ICE2: variants seen among roughly 807,000 people sequenced by gnomAD.
The protein encoded by ICE2 is interactor of little elongation complex ELL subunit 2, also known as little elongation complex subunit 2.
ICE2 carries 87 observed loss-of-function variants against 105.4 expected under a neutral mutation model. That is an observed-to-expected ratio of 0.83 (90% CI 0.69 to 0.99). The LOEUF (loss-of-function observed/expected upper bound fraction) is 0.99. ICE2 is among the 50% of genes least tolerant of loss of function. The pLI is 0.00. For missense variants in ICE2, 1,323 were observed against 1,146.7 expected, an observed-to-expected ratio of 1.15 and a Z score of -2.22; for synonymous variants, 399 against 392.0, an observed-to-expected ratio of 1.02 and a Z score of -0.21.
At chr15:60,460,975 C>A (rs1033429146) in intron 5 of ICE2, among the ~76,000 whole-genome samples, 1 of 151,946 alleles carries the variant, frequency 6.6e-6, no homozygotes, top group Non-Finnish European at 1.5e-5. Context: ...CTCCTTGTTG[C>A]GGGGGACATC....
Position 60,453,675 on chromosome 15 carries a change from C to T in ICE2, c.1053G>A (p.Met351Ile), listed in dbSNP as rs2064023201. The T allele has an allele frequency of 6.2e-7, 1 of 1,613,482 alleles. No individual in the cohort carries two copies. The highest frequency in any genetic ancestry group is 1.7e-5 in the Admixed American group (1 of 60,014). The part of the protein sequence containing the change: ...IFHEVPLKFM[M>I]SKNTSVPVSA... Reference sequence around the variant, plus strand: ...AGACTGGAACAGATGTGTTTTTGGACATCATAAATTTTAATGGAACTTCAT... The same window carrying T: ...AGACTGGAACAGATGTGTTTTTGGATATCATAAATTTTAATGGAACTTCAT... Residue 351 changes from methionine (M) to isoleucine (I), a missense_variant, in exon 9 of 16, where the codon ATG (methionine) becomes ATA (isoleucine). Transcript: ENST00000261520.
intron 5 of ICE2, among the ~76,000 whole-genome samples, chr15:60,462,855 G>C (rs1205804666): frequency 6.6e-6 from 1 of 152,078 alleles, no homozygotes; most frequent in African/African-American, 2.4e-5. Context: ...AAAACCATTT[G>C]CAAATCTACT....
chr15:60,457,094 T>A (rs1012287154), intron 5 of ICE2, among the ~76,000 whole-genome samples: 5 of 152,126 alleles, frequency 3.3e-5, no homozygotes, highest in Non-Finnish European at 7.4e-5. Flanking sequence ...AACACACTTT[T>A]CTGCAATCAA....
intron 10 of ICE2, among the ~76,000 whole-genome samples, 200 bp from the exon 11 acceptor site, chr15:60,448,345 G>A (rs2063871552): frequency 6.6e-6 from 1 of 152,028 alleles, no homozygotes; most frequent in African/African-American, 2.4e-5. Flanking sequence ...TAGCTTTAAG[G>A]TTCTTCTCCT....
rs202144613 is a variant in ICE2 at position 60,468,228 on chromosome 15, T to C, written c.241A>G (p.Thr81Ala). ...TTTGGAAGAAGAACCATTCCAATTG[T>C]GGTTTTAACTTTTTCCTTTGCTTGA... Reference protein sequence around the residue: ...ATQAKEKVKTTIGMVLLPKPR... With the variant: ...ATQAKEKVKTAIGMVLLPKPR... The change falls in exon 4 of 16, where the codon ACA becomes GCA. Residue 81 changes from threonine to alanine, a missense_variant. Physicochemically the swap from Thr to Ala is moderately conservative, Grantham distance 58. Transcript: ENST00000261520. The C allele has an allele frequency of 1.2e-5, 20 of 1,614,032 alleles. No individual in the cohort carries two copies. The highest frequency in any genetic ancestry group is 1.7e-4 in the Middle Eastern group (1 of 6,058).
In ICE2 at chr15:60,428,469, G is replaced by A; in HGVS notation, c.2780C>T (p.Thr927Ile). Residue 927 changes from threonine to isoleucine, a missense_variant, in exon 15 of 16, where the codon ACT becomes ATT. Transcript: ENST00000261520. ...YHIHHGRIPCTFPPKSLDTTT... is the reference protein window; with the variant it reads ...YHIHHGRIPCIFPPKSLDTTT... ...GGTATCCAGTGATTTCGGTGGAAAA[G>A]TACAAGGTATTCTTCCATGATGGAT... The A allele has an allele frequency of 6.2e-7, 1 of 1,613,956 alleles. No individual in the cohort carries two copies. The highest frequency in any genetic ancestry group is 8.5e-7 in the Non-Finnish European group (1 of 1,179,842).
intron 12 of ICE2, among the ~76,000 whole-genome samples, chr15:60,436,742 A>AAAGTTAC: frequency 6.7e-6 from 1 of 148,352 alleles, no homozygotes; most frequent in Middle Eastern, 3.5e-3. Flanking sequence ...AAAAAAAAAG[A>AAAGTTAC]AAGTTACATT....
intron 5 of ICE2, 143 bp from the exon 6 acceptor site, chr15:60,456,937 A>G (rs536288890): frequency 4.0e-4 from 139 of 349,472 alleles, no homozygotes; most frequent in Non-Finnish European, 6.3e-4. Context: ...CACACATTGT[A>G]TATTCTTTAT....
chr15:60,430,780 C>T (rs34092508), intron 14 of ICE2, among the ~76,000 whole-genome samples: 23,931 of 152,158 alleles, frequency 0.16, 2,078 homozygotes, highest in Middle Eastern at 0.32. Context: ...AGAAGGAATG[C>T]AAACATTCAT....
Position 60,420,816 on chromosome 15 carries a change from T to A in ICE2, c.*2818A>T, listed in dbSNP as rs941716957. 2 of 152,172 alleles carry A rather than the reference T, an allele frequency of 1.3e-5. No individual in the cohort carries two copies. Among genetic ancestry groups the A allele is most frequent in the African/African-American group, 2.4e-5 (1 of 41,420 alleles). 9.4% of individuals were successfully genotyped at this position (152,172 alleles called of 1,614,324 possible). A position where few individuals can be genotyped will look rare whatever the true frequency, so the allele number is the denominator to read the frequency against. On this transcript the variant is annotated 3_prime_UTR_variant, in exon 16 of 16. Transcript: ENST00000261520. ...TTATCACATAAAGCAGTATAGTGTC[T>A]TCCACTAGAATGTGATCTCCTGAAA...
chr15:60,465,647 G>C lies in ICE2; in HGVS notation c.528+947C>G, dbSNP rs150575661. On this transcript the variant is annotated intron_variant, in intron 5 of 15. Coordinates refer to ENST00000261520, the MANE Select transcript of ICE2 (RefSeq NM_024611.6). ...TTAACACTATTGTTCACAGTGACCA[G>C]CTTTAAAGGCTTAAACAAATTTAGA... 5.0e-3 allele frequency among the ~76,000 whole-genome samples: 755 copies of C among 151,234 alleles called. 7 individuals carry two copies. Among genetic ancestry groups the C allele is most frequent in the African/African-American group, 0.017 (718 of 41,162 alleles).
At chr15:60,424,303 G>T (rs1026245564) in intron 15 of ICE2, among the ~76,000 whole-genome samples, 3 of 151,970 alleles carry the variant, frequency 2.0e-5, no homozygotes, top group African/African-American at 4.8e-5. Context: ...CAGTAAAAGT[G>T]TAAGGAAGTT....
At chr15:60,453,320 T>A in intron 9 of ICE2, 1 of 1,161,884 alleles carries the variant, frequency 8.6e-7, no homozygotes, top group Non-Finnish European at 1.1e-6. Context: ...ACTACATACA[T>A]AACTAAAAAC....
chr15:60,476,956 T>C (rs2064779174), intron 2 of ICE2, among the ~76,000 whole-genome samples: 1 of 152,230 alleles, frequency 6.6e-6, no homozygotes, highest in African/African-American at 2.4e-5. Context: ...TACATCTGAA[T>C]GCATACTTTA....
Position 60,442,524 on chromosome 15 carries a change from G to C in ICE2, c.2317C>G (p.Pro773Ala). ...TAACAAGCTTGATACTCTACTTTTG[G>C]TAGTACATAAACTGGAAATTGCTGC... ...IRRQFPVYVL[P>A]KVEYQACYGV... The change falls in exon 12 of 16, where the codon CCA (proline) becomes GCA (alanine). Residue 773 changes from proline to alanine, a missense_variant. Coordinates refer to ENST00000261520, the MANE Select transcript of ICE2 (RefSeq NM_024611.6). 1 of 1,574,814 alleles carries C rather than the reference G, an allele frequency of 6.3e-7. No individual in the cohort carries two copies. Among genetic ancestry groups the C allele is most frequent in the South Asian group, 1.2e-5 (1 of 83,360 alleles).
rs1180021551 is a variant in ICE2 at position 60,477,935 on chromosome 15, A to C, written c.41+2T>G. 1.2e-6 allele frequency: 2 copies of C among 1,613,590 alleles called. No individual in the cohort carries two copies. The highest frequency in any genetic ancestry group is 2.2e-5 in the East Asian group (1 of 44,866). On this transcript the variant is annotated splice_donor_variant, in intron 2 of 15. Coordinates refer to ENST00000261520, the MANE Select transcript of ICE2 (RefSeq NM_024611.6). LOFTEE classifies it high-confidence loss of function. Reference sequence around the variant, plus strand: ...GTGGATTACAAAGTGGCTACAACTCACCAATTCAGTCCTGGTTCACTTATG... The same window carrying C: ...GTGGATTACAAAGTGGCTACAACTCCCCAATTCAGTCCTGGTTCACTTATG...
At chr15:60,465,624 A>G (rs2064401583) in intron 5 of ICE2, among the ~76,000 whole-genome samples, 1 of 152,116 alleles carries the variant, frequency 6.6e-6, no homozygotes, top group Admixed American at 6.5e-5. Flanking sequence ...TAAATATATT[A>G]ACACTATTGT....
chr15:60,438,791 T>G (rs1487785340), intron 12 of ICE2: 1 of 152,208 alleles, frequency 6.6e-6, no homozygotes, highest in African/African-American at 2.4e-5. Flanking sequence ...GATATATATG[T>G]GCTTAAGATA....
At chr15:60,438,228 CG>C (rs2063639830) in intron 12 of ICE2, 1 of 152,078 alleles carries the variant, frequency 6.6e-6, no homozygotes, top group African/African-American at 2.4e-5. Flanking sequence ...GAATATAAGA[CG>C]TATCAATGTT....
Sources: allele counts gnomAD v4.1 joint callset (sites outside exome capture counted in the v4.1 genomes callset), GRCh38; gene constraint gnomAD v4.1.1; transcripts MANE v1.5; gene names NCBI Gene and HGNC (gene_info 2026-07-23, HGNC 2026-07-21).